RBMS3: variants seen among roughly 807,000 people sequenced by gnomAD.
RBMS3 encodes the protein RNA binding motif single stranded interacting protein 3.
In RBMS3, 27 loss-of-function variants were observed where a neutral mutation model predicts 66.8. The observed-to-expected ratio is 0.40, with a 90% confidence interval of 0.30 to 0.56. The LOEUF is 0.56. RBMS3 is among the 20% of genes least tolerant of loss of function. The probability of loss-of-function intolerance (pLI) is 0.40; values close to 1 mark genes in which losing one functional copy is unlikely to be tolerated. For missense variants in RBMS3, 513 were observed against 549.5 expected (o/e 0.93, Z 0.66); for synonymous variants, 188 against 183.0 (o/e 1.03, Z -0.22).
At chr3:29,356,709 AAAT>A (rs1267882114) in intron 1 of RBMS3, among the ~76,000 whole-genome samples, 1 of 152,162 alleles carries the variant, frequency 6.6e-6, no homozygotes, top group Non-Finnish European at 1.5e-5. Context: ...TTTACATGCT[AAAT>A]AATATTTACT....
intron 3 of RBMS3, among the ~76,000 whole-genome samples, chr3:29,552,595 C>T (rs28150): frequency 6.6e-6 from 1 of 151,790 alleles, no homozygotes; most frequent in Non-Finnish European, 1.5e-5. Flanking sequence ...AAGTGAATAG[C>T]AGTAGTGTTA....
intron 3 of RBMS3, among the ~76,000 whole-genome samples, chr3:29,561,528 C>G (rs923602558): frequency 3.9e-5 from 6 of 152,214 alleles, no homozygotes; most frequent in Non-Finnish European, 7.3e-5. Flanking sequence ...TCTCAGCTCA[C>G]TGCAACCTCT....
intron 1 of RBMS3, among the ~76,000 whole-genome samples, chr3:29,323,271 G>T (rs1450359286): frequency 8.1e-6 from 1 of 123,018 alleles, no homozygotes; most frequent in East Asian, 3.5e-4. Flanking sequence ...CATCAGGTAT[G>T]TACTTTAGCT....
intron 4 of RBMS3, among the ~76,000 whole-genome samples, chr3:29,589,580 G>A (rs777823228): frequency 2.0e-5 from 3 of 151,998 alleles, no homozygotes; most frequent in Non-Finnish European, 4.4e-5. Flanking sequence ...AAATAAATAG[G>A]CTCCCTTTGA....
chr3:29,388,981 T>C (rs1273068879), intron 1 of RBMS3, among the ~76,000 whole-genome samples: 1 of 152,250 alleles, frequency 6.6e-6, no homozygotes, highest in Non-Finnish European at 1.5e-5. Context: ...CAGTATTGAT[T>C]TGAGAATTTG....
intron 1 of RBMS3, among the ~76,000 whole-genome samples, chr3:29,402,604 T>A (rs114607112): frequency 0.019 from 2,943 of 152,116 alleles, 42 homozygotes; most frequent in Non-Finnish European, 0.032. Context: ...TAGAAATATT[T>A]CCCCATTTGT....
intron 1 of RBMS3, among the ~76,000 whole-genome samples, chr3:29,305,279 T>C (rs748781651): frequency 6.6e-6 from 1 of 152,010 alleles, no homozygotes; most frequent in Non-Finnish European, 1.5e-5. Context: ...TTTCCTATTG[T>C]TACTGGATAT....
At chr3:29,637,178 C>A (rs1462174639) in intron 4 of RBMS3, among the ~76,000 whole-genome samples, 1 of 151,754 alleles carries the variant, frequency 6.6e-6, no homozygotes, top group Non-Finnish European at 1.5e-5. Flanking sequence ...TTTGCTGATC[C>A]AAAGCGATGC....
chr3:29,505,292 A>C (rs540316628), intron 3 of RBMS3, among the ~76,000 whole-genome samples: 1 of 151,974 alleles, frequency 6.6e-6, no homozygotes, highest in Admixed American at 6.6e-5. Context: ...TAGCTGTCCC[A>C]ACAATATTTA....
At chr3:29,726,091 G>T (rs1259911257) in intron 4 of RBMS3, among the ~76,000 whole-genome samples, 5 of 152,096 alleles carry the variant, frequency 3.3e-5, no homozygotes, top group Non-Finnish European at 5.9e-5. Context: ...CACATAAACA[G>T]AACTAATGAC....
At chr3:29,367,415 G>A (rs1018114061) in intron 1 of RBMS3, among the ~76,000 whole-genome samples, 7 of 151,990 alleles carry the variant, frequency 4.6e-5, no homozygotes, top group African/African-American at 1.7e-4. Context: ...AGAGACTGAG[G>A]CAAGAAATAA....
intron 13 of RBMS3, among the ~76,000 whole-genome samples, chr3:29,990,460 CAAAA>C (rs10596526): frequency 5.8e-4 from 62 of 106,518 alleles, no homozygotes; most frequent in Non-Finnish European, 7.8e-4. Context: ...CTGTGAGAAA[CAAAA>C]AAAAAAAAAA....
At chr3:29,472,371 T>A (rs1041900952) in intron 2 of RBMS3, among the ~76,000 whole-genome samples, 8 of 152,076 alleles carry the variant, frequency 5.3e-5, no homozygotes, top group African/African-American at 1.7e-4. Flanking sequence ...AATTTTTGTA[T>A]TTTTAGTAGA....
chr3:29,428,366 A>C, intron 1 of RBMS3, among the ~76,000 whole-genome samples: 1 of 152,142 alleles, frequency 6.6e-6, no homozygotes, highest in East Asian at 1.9e-4. Context: ...CCTAAAACAG[A>C]GAATTATCTT....
Position 29,540,197 on chromosome 3 carries a change from A to G in RBMS3, c.308-46917A>G, listed in dbSNP as rs543460669. The stretch of plus-strand genomic sequence containing the variant: ...GTACACATAAAGGGGATATTTTTAT[A>G]TCTCATCTGTTCTTCAAATCAAAAC... On this transcript the variant is annotated intron_variant, in intron 3 of 14. Transcript: ENST00000383767. 3.9e-5 allele frequency among the ~76,000 whole-genome samples: 6 copies of G among 152,346 alleles called. No homozygotes were observed. The East Asian group carries it at 1.2e-3, about 29-fold the overall frequency.
chr3:29,435,181 A>C (rs1191187287), intron 2 of RBMS3, among the ~76,000 whole-genome samples: 10 of 152,222 alleles, frequency 6.6e-5, no homozygotes, highest in Admixed American at 2.6e-4. Flanking sequence ...CAAGATGAAG[A>C]TCAAGTAATA....
intron 12 of RBMS3, among the ~76,000 whole-genome samples, chr3:29,957,387 T>C (rs1696114273): frequency 1.3e-5 from 2 of 152,150 alleles, no homozygotes; most frequent in African/African-American, 4.8e-5. Flanking sequence ...TAGACACACA[T>C]TCTACATAAT....
chr3:29,301,896 A>G (rs1195799276), intron 1 of RBMS3, among the ~76,000 whole-genome samples: 1 of 152,044 alleles, frequency 6.6e-6, no homozygotes, highest in Non-Finnish European at 1.5e-5. Flanking sequence ...TGCAAACCAG[A>G]GGTGAAATTG....
chr3:29,936,188 A>T lies in RBMS3; in HGVS notation c.1042A>T (p.Thr348Ser), dbSNP rs761724059. ...QQMNHLSLGT[T>S]GTIQSQDRIM... ...GATGAATCACCTTTCGTTGGGCACA[A>T]CAGGAACGGTGAGTTGAAGAGATTG... Residue 348 changes from threonine to serine, a missense_variant, in exon 11 of 15, where the codon ACA (threonine) becomes TCA (serine). Transcript: ENST00000383767. 2 of 1,612,468 alleles carry T rather than the reference A, an allele frequency of 1.2e-6. No individual in the cohort carries two copies. Among genetic ancestry groups the T allele is most frequent in the African/African-American group, 2.7e-5 (2 of 74,900 alleles).
Sources: allele counts gnomAD v4.1 joint callset (sites outside exome capture counted in the v4.1 genomes callset), GRCh38; gene constraint gnomAD v4.1.1; transcripts MANE v1.5; gene names NCBI Gene and HGNC (gene_info 2026-07-23, HGNC 2026-07-21).